Variants in SH3TC2 observed in about 807,000 individuals in gnomAD.
The protein encoded by SH3TC2 is SH3 domain and tetratricopeptide repeat-containing protein 2.
In SH3TC2, 87 loss-of-function variants were observed where a neutral mutation model predicts 124.5. The observed-to-expected ratio is 0.70, with a 90% CI of 0.59 to 0.84. The LOEUF (loss-of-function observed/expected upper bound fraction) is 0.84, where lower values mean the gene tolerates loss of function less well. Ranked by LOEUF, SH3TC2 falls within the 40% of genes least tolerant of loss-of-function variation. The pLI, the probability that SH3TC2 is intolerant of heterozygous loss-of-function variation, is 0.00. For missense variants in SH3TC2, 1,536 were observed against 1,566.4 expected (o/e 0.98, Z 0.33); for synonymous variants, 634 against 628.5 (o/e 1.01, Z -0.13).
chr5:149,049,519 C>A (rs986163299), intron 2 of SH3TC2, among the ~76,000 whole-genome samples: 1 of 152,060 alleles, frequency 6.6e-6, no homozygotes, highest in Non-Finnish European at 1.5e-5. Flanking sequence ...GTAATCCTAG[C>A]GGTTTGGGAG....
intron 1 of SH3TC2, among the ~76,000 whole-genome samples, chr5:149,058,731 TG>T (rs1031213879): frequency 3.0e-4 from 46 of 151,524 alleles, no homozygotes; most frequent in African/African-American, 9.7e-4. Flanking sequence ...GCTGGGGAGG[TG>T]GGTAGTTGTG....
chr5:149,062,836 G>C, intron 1 of SH3TC2, 135 bp downstream of exon 1: 2 of 826,034 alleles, frequency 2.4e-6, no homozygotes, highest in Non-Finnish European at 2.0e-6. Flanking sequence ...CAGGGAGGAA[G>C]GAGAGGCAGC....
rs1038023801 is a variant in SH3TC2, at chr5:148,985,827, T to G, written c.*18884A>C. 7.9e-5 allele frequency among the ~76,000 whole-genome samples: 12 copies of G among 152,296 alleles called. No individual in the cohort carries two copies. Among genetic ancestry groups the G allele is most frequent in the African/African-American group, 2.6e-4 (11 of 41,570 alleles). On this transcript the variant is annotated 3_prime_UTR_variant, in exon 17 of 17. Transcript: ENST00000515425. ...TTTCATTTTGCATTCCCAGCAGCAA[T>G]AGCCACTTTTATTTTTCAATGTGTG...
At chr5:149,010,127 G>C (rs1753759058) in intron 14 of SH3TC2, 143 bp downstream of exon 14, 2 of 1,096,832 alleles carry the variant, frequency 1.8e-6, no homozygotes, top group East Asian at 2.5e-5. Context: ...AAGAGAGAGT[G>C]AGTAGGTGGG....
At chr5:149,029,636 A>G (rs1754148237) in intron 9 of SH3TC2, among the ~76,000 whole-genome samples, 1 of 152,140 alleles carries the variant, frequency 6.6e-6, no homozygotes, top group Non-Finnish European at 1.5e-5. Flanking sequence ...GCCAGTAGCC[A>G]GTGAGGGAGA....
intron 8 of SH3TC2, among the ~76,000 whole-genome samples, chr5:149,032,080 A>T (rs1754204474): frequency 6.6e-6 from 1 of 152,216 alleles, no homozygotes; most frequent in Non-Finnish European, 1.5e-5. Flanking sequence ...TTGAAAAGGG[A>T]CCATTAAAAA....
chr5:148,986,495 G>A lies in SH3TC2; in HGVS notation c.*18216C>T, dbSNP rs1753333633. Among the ~76,000 whole-genome samples the A allele has an allele frequency of 1.3e-5, 2 of 152,254 alleles. No homozygotes were observed. The highest frequency in any genetic ancestry group is 3.9e-4 in the East Asian group (2 of 5,188). Reference sequence around the variant, plus strand: ...CTTTTATCATAGCACTCATTTTTCTGCTGTTTCTCTGACCCTTTGTGAGTT... The same window carrying A: ...CTTTTATCATAGCACTCATTTTTCTACTGTTTCTCTGACCCTTTGTGAGTT... On this transcript the variant is annotated 3_prime_UTR_variant, in exon 17 of 17. Transcript: ENST00000515425.
At chr5:149,034,544 TATC>T (rs1416977870) in intron 8 of SH3TC2, 7 of 386,834 alleles carry the variant, frequency 1.8e-5, no homozygotes, top group Middle Eastern at 3.6e-4. Context: ...ATAAATATAA[TATC>T]ATTTTTAACA....
chr5:149,026,543 T>A, intron 12 of SH3TC2, 29 bp downstream of exon 12: 2 of 1,612,708 alleles, frequency 1.2e-6, no homozygotes, highest in Non-Finnish European at 1.7e-6. Flanking sequence ...GGAAAGCTGC[T>A]TCTAGGACAG....
intron 8 of SH3TC2, among the ~76,000 whole-genome samples, chr5:149,032,395 A>T (rs1754212258): frequency 6.6e-6 from 1 of 152,226 alleles, no homozygotes; most frequent in African/African-American, 2.4e-5. Flanking sequence ...TTGTTATAGA[A>T]TTAAATAATA....
At chr5:149,054,046 T>C (rs979609317) in intron 1 of SH3TC2, among the ~76,000 whole-genome samples, 11 of 152,186 alleles carry the variant, frequency 7.2e-5, no homozygotes, top group African/African-American at 2.7e-4. Flanking sequence ...AAGAGTATAA[T>C]TGGATTGCTT....
At chr5:149,012,508 G>A in intron 13 of SH3TC2, 76 bp downstream of exon 13, 1 of 1,577,478 alleles carries the variant, frequency 6.3e-7, no homozygotes, top group Admixed American at 1.7e-5. Context: ...GTTCCCCCTG[G>A]TTGATTTGGA....
Position 149,041,412 on chromosome 5 carries a change from T to A in SH3TC2, c.731+4A>T. ...TTGCTCCCAGGAGGCAGATGGCTAC[T>A]CACTGGTGGAAAGGGAGAGGCAGAG... On this transcript the variant is annotated splice_donor_region_variant and intron_variant, in intron 6 of 16. Transcript: ENST00000515425. 6.2e-7 allele frequency: 1 copy of A among 1,612,434 alleles called. No individual in the cohort carries two copies. The highest frequency in any genetic ancestry group is 8.5e-7 in the Non-Finnish European group (1 of 1,179,938).
intron 5 of SH3TC2, 140 bp downstream of exon 5, chr5:149,042,554 T>C (rs1373408282): frequency 3.0e-6 from 3 of 998,334 alleles, no homozygotes; most frequent in African/African-American, 1.6e-5. Context: ...ATGTTCAAAG[T>C]ACTATTATAA....
At chr5:149,038,256 G>A (rs1385377653) in intron 8 of SH3TC2, 39 bp downstream of exon 8, 6 of 1,601,964 alleles carry the variant, frequency 3.7e-6, no homozygotes, top group Non-Finnish European at 3.4e-6. Context: ...CCTGGGAAAG[G>A]GAGCCCAGCT....
At chr5:149,047,469 G>A (rs912587091) in intron 3 of SH3TC2, 1 of 253,214 alleles carries the variant, frequency 3.9e-6, no homozygotes, top group Non-Finnish European at 7.9e-6. Flanking sequence ...TGATTAAAAT[G>A]GAAAATTTTA....
In SH3TC2 at chr5:148,998,411, C is replaced by T. The variant is rs1753545207; in HGVS notation, c.*6300G>A. On this transcript the variant is annotated 3_prime_UTR_variant, in exon 17 of 17. Transcript: ENST00000515425. The stretch of plus-strand genomic sequence containing the variant: ...ACAGAAAAGGACAGCAATGGATTAG[C>T]CTGTCTTCTCATTAGCCATGTGACT... Among the ~76,000 whole-genome samples the T allele has an allele frequency of 6.6e-6, 1 of 152,214 alleles. No individual in the cohort carries two copies. Among genetic ancestry groups the T allele is most frequent in the African/African-American group, 2.4e-5 (1 of 41,450 alleles).
At chr5:149,056,004 T>C (rs1167818819) in intron 1 of SH3TC2, among the ~76,000 whole-genome samples, 1 of 152,206 alleles carries the variant, frequency 6.6e-6, no homozygotes, top group Non-Finnish European at 1.5e-5. Flanking sequence ...GTATATTCAC[T>C]TGTGAAAAGT....
intron 16 of SH3TC2, among the ~76,000 whole-genome samples, chr5:149,005,409 G>GA: frequency 6.6e-6 from 1 of 152,364 alleles, no homozygotes; most frequent in South Asian, 2.1e-4. Flanking sequence ...TGATGATTGA[G>GA]AAACAGGATC....
Sources: allele counts gnomAD v4.1 joint callset (sites outside exome capture counted in the v4.1 genomes callset), GRCh38; gene constraint gnomAD v4.1.1; transcripts MANE v1.5; gene names NCBI Gene and HGNC (gene_info 2026-07-23, HGNC 2026-07-21).